The following CACNB2 variants were observed in gnomAD, a reference collection of about 807,000 sequenced individuals.
The protein encoded by CACNB2 is calcium voltage-gated channel auxiliary subunit beta 2.
Under a neutral mutation model 73.3 loss-of-function variants are expected in CACNB2, and 42 were observed. The observed-to-expected ratio is 0.57, with a 90% CI of 0.45 to 0.74. CACNB2 has a LOEUF of 0.74. Ranked by LOEUF, CACNB2 falls within the 30% of genes least tolerant of loss-of-function variation. CACNB2 has a pLI of 0.00. For synonymous variants in CACNB2, 348 were observed against 310.3 expected, an observed-to-expected ratio of 1.12 and a Z score of -1.28; for missense variants, 940 against 853.0, an observed-to-expected ratio of 1.10 and a Z score of -1.27.
rs200067825 is a variant in CACNB2, at chr10:18,538,379, T to G, written c.1488+14T>G. ...TCTAATTCACAGGTAAGGGGAGTTT[T>G]TATATATATCTATATATACAATCTT... On this transcript the variant is annotated intron_variant, in intron 13 of 13. Transcript: ENST00000324631. 12 of 1,609,818 alleles carry G rather than the reference T, an allele frequency of 7.5e-6. No individual in the cohort carries two copies. Among genetic ancestry groups the G allele is most frequent in the African/African-American group, 1.3e-5 (1 of 74,918 alleles).
At chr10:18,241,942 CAA>C (rs1158580765) in intron 2 of CACNB2, among the ~76,000 whole-genome samples, 3 of 151,902 alleles carry the variant, frequency 2.0e-5, no homozygotes, top group African/African-American at 7.3e-5. Flanking sequence ...TCACAATAAA[CAA>C]AATATTCAAA....
chr10:18,239,938 G>A (rs2036584433), intron 2 of CACNB2, among the ~76,000 whole-genome samples: 1 of 152,114 alleles, frequency 6.6e-6, no homozygotes, highest in African/African-American at 2.4e-5. Context: ...CTTTACTGAT[G>A]ACTTTGGATT....
intron 2 of CACNB2, among the ~76,000 whole-genome samples, chr10:18,169,740 T>C (rs1407874101): frequency 6.6e-6 from 1 of 152,150 alleles, no homozygotes; most frequent in Non-Finnish European, 1.5e-5. Context: ...ATCTTCCCAC[T>C]TTTTCACATC....
At chr10:18,494,830 G>T (rs9943370) in intron 3 of CACNB2, among the ~76,000 whole-genome samples, 1 of 151,904 alleles carries the variant, frequency 6.6e-6, no homozygotes, top group South Asian at 2.1e-4. Context: ...GGAGGCTGAG[G>T]GGGGAGGATT....
At chr10:18,186,089 A>G (rs2034136570) in intron 2 of CACNB2, among the ~76,000 whole-genome samples, 1 of 152,132 alleles carries the variant, frequency 6.6e-6, no homozygotes, top group African/African-American at 2.4e-5. Flanking sequence ...AAGGGAATAT[A>G]ATTTTTCTTT....
At chr10:18,429,708 C>T (rs996242214) in intron 3 of CACNB2, among the ~76,000 whole-genome samples, 1 of 131,508 alleles carries the variant, frequency 7.6e-6, no homozygotes, top group African/African-American at 2.9e-5. Context: ...TGATGTTGTA[C>T]ACCTGTATCC....
intron 2 of CACNB2, among the ~76,000 whole-genome samples, chr10:18,263,367 A>T (rs747544005): frequency 6.6e-6 from 1 of 152,194 alleles, no homozygotes; most frequent in Non-Finnish European, 1.5e-5. Context: ...ACCTCGTCAT[A>T]CTGGTTGGGC....
intron 3 of CACNB2, among the ~76,000 whole-genome samples, chr10:18,494,646 A>G (rs113894365): frequency 1.1e-4 from 17 of 151,314 alleles, no homozygotes; most frequent in African/African-American, 3.6e-4. Context: ...AAAAAAAAAA[A>G]AAAGAAAAGA....
At chr10:18,335,680 T>C (rs1028512038) in intron 2 of CACNB2, among the ~76,000 whole-genome samples, 2 of 152,120 alleles carry the variant, frequency 1.3e-5, no homozygotes, top group African/African-American at 4.8e-5. Context: ...TGTTTCTCAC[T>C]GATGCATACA....
chr10:18,249,804 T>C (rs553979136), intron 2 of CACNB2, among the ~76,000 whole-genome samples: 1 of 152,344 alleles, frequency 6.6e-6, no homozygotes, highest in Non-Finnish European at 1.5e-5. Flanking sequence ...CCTGGGATTA[T>C]ATATGAAATT....
At chr10:18,431,798 T>C (rs1437231541) in intron 3 of CACNB2, among the ~76,000 whole-genome samples, 1 of 151,950 alleles carries the variant, frequency 6.6e-6, no homozygotes, top group African/African-American at 2.4e-5. Context: ...GGAGTCTCGC[T>C]CTGTTGCCTA....
intron 2 of CACNB2, among the ~76,000 whole-genome samples, chr10:18,181,420 T>G (rs963796007): frequency 3.9e-5 from 6 of 152,152 alleles, no homozygotes; most frequent in African/African-American, 1.4e-4. Context: ...GTTAAACCTC[T>G]CTGCCCGTAA....
intron 3 of CACNB2, among the ~76,000 whole-genome samples, chr10:18,484,047 A>G (rs535364886): frequency 1.1e-4 from 17 of 152,310 alleles, no homozygotes; most frequent in South Asian, 2.1e-4. Flanking sequence ...GTGTCTAGCA[A>G]GATTGCCTTA....
intron 2 of CACNB2, among the ~76,000 whole-genome samples, chr10:18,203,064 G>T (rs1012656518): frequency 6.6e-6 from 1 of 152,068 alleles, no homozygotes; most frequent in African/African-American, 2.4e-5. Flanking sequence ...CAGACTACAG[G>T]GTCTGAAGCA....
chr10:18,453,754 C>T (rs2047129959), intron 3 of CACNB2, among the ~76,000 whole-genome samples: 1 of 152,170 alleles, frequency 6.6e-6, no homozygotes, highest in South Asian at 2.1e-4. Context: ...CTCAGCCTCC[C>T]AAGTAGCTGG....
At position 18,150,902 on chromosome 10, in the gene CACNB2, G is replaced by A. The variant is rs770276690; in HGVS notation, c.140G>A (p.Arg47Lys). The A allele has an allele frequency of 2.7e-6, 3 of 1,121,224 alleles. No individual in the cohort carries two copies. Among genetic ancestry groups the A allele is most frequent in the Non-Finnish European group, 3.8e-6 (3 of 798,356 alleles). The allele number at this position is 1,121,224 out of a possible 1,614,324, so 69.5% of individuals were successfully genotyped here. ...TTTTAGTCATATGGAAAAGGAGCCA[G>A]AAGGAAAAACAGATTTAAAGGATCT... ...AAAQSYGKGARRKNRFKGSDG... is the reference protein window; with the variant it reads ...AAAQSYGKGAKRKNRFKGSDG... The change falls in exon 2 of 14, where the codon AGA (arginine) becomes AAA (lysine). Residue 47 changes from arginine (R) to lysine (K), a missense_variant. By Grantham distance (26) the Arg-to-Lys change is conservative (BLOSUM62 2). Transcript: ENST00000324631.
intron 3 of CACNB2, among the ~76,000 whole-genome samples, chr10:18,467,151 GT>G (rs1029820618): frequency 6.6e-6 from 1 of 152,098 alleles, no homozygotes; most frequent in Non-Finnish European, 1.5e-5. Context: ...AAGACTCTGT[GT>G]TTGTTAAATA....
chr10:18,533,401 T>C (rs1287773306), intron 10 of CACNB2: 1 of 152,628 alleles, frequency 6.6e-6, no homozygotes, highest in Non-Finnish European at 1.5e-5. Flanking sequence ...ACAGAACAGA[T>C]GAACTGAATG....
chr10:18,163,176 A>G (rs945523455), intron 2 of CACNB2, among the ~76,000 whole-genome samples: 17 of 152,196 alleles, frequency 1.1e-4, no homozygotes, highest in African/African-American at 4.1e-4. Context: ...CATGCTGACC[A>G]TGTGCTAGCT....
Sources: allele counts gnomAD v4.1 joint callset (sites outside exome capture counted in the v4.1 genomes callset), GRCh38; gene constraint gnomAD v4.1.1; transcripts MANE v1.5; gene names NCBI Gene and HGNC (gene_info 2026-07-23, HGNC 2026-07-21).